CALD1: variants seen among roughly 807,000 people sequenced by gnomAD.
The protein encoded by CALD1 is caldesmon.
In CALD1, 33 loss-of-function variants were observed where a neutral mutation model predicts 99.9. That is an observed-to-expected ratio of 0.33 (90% CI 0.25 to 0.44). The LOEUF is 0.44. CALD1 is among the 20% of genes least tolerant of loss of function. CALD1 has a pLI of 1.00. For missense variants in CALD1, 861 were observed against 962.1 expected, an observed-to-expected ratio of 0.89 and a Z score of 1.39; for synonymous variants, 310 against 325.0, an observed-to-expected ratio of 0.95 and a Z score of 0.50.
intron 6 of CALD1, among the ~76,000 whole-genome samples, chr7:134,937,332 A>G (rs1423277639): frequency 1.3e-5 from 2 of 152,166 alleles, no homozygotes; most frequent in East Asian, 3.8e-4. Context: ...AGATACTCCC[A>G]GGAATGAGTG....
At chr7:134,811,382 A>G (rs1000214255) in intron 1 of CALD1, among the ~76,000 whole-genome samples, 10 of 152,192 alleles carry the variant, frequency 6.6e-5, no homozygotes, top group Non-Finnish European at 1.3e-4. Context: ...ATACAGGCTA[A>G]TGGTAGTGGA....
intron 3 of CALD1, among the ~76,000 whole-genome samples, chr7:134,873,138 G>A (rs560677364): frequency 6.6e-6 from 1 of 151,818 alleles, no homozygotes; most frequent in Non-Finnish European, 1.5e-5. Flanking sequence ...AGTGAGCCAC[G>A]ATCATGCCAC....
intron 3 of CALD1, among the ~76,000 whole-genome samples, chr7:134,898,020 G>A (rs1303717459): frequency 1.3e-5 from 2 of 152,134 alleles, no homozygotes; most frequent in Non-Finnish European, 2.9e-5. Flanking sequence ...TGCCTCCCAG[G>A]TTCAAGCAAT....
intron 2 of CALD1, among the ~76,000 whole-genome samples, chr7:134,862,267 TGG>T (rs1800595566): frequency 6.6e-6 from 1 of 152,220 alleles, no homozygotes; most frequent in South Asian, 2.1e-4. Flanking sequence ...AGAGAAATAG[TGG>T]ATTAGTCCTA....
At chr7:134,844,236 T>A (rs138010929) in intron 2 of CALD1, 12 of 152,290 alleles carry the variant, frequency 7.9e-5, no homozygotes, top group Middle Eastern at 3.4e-3. Flanking sequence ...CAATGTAATA[T>A]CTTTCACAAA....
At chr7:134,810,399 GT>G (rs930763007) in intron 1 of CALD1, among the ~76,000 whole-genome samples, 4 of 152,132 alleles carry the variant, frequency 2.6e-5, no homozygotes, top group African/African-American at 9.7e-5. Context: ...CCTTTATTTA[GT>G]TATATCATAA....
intron 3 of CALD1, chr7:134,891,496 T>TCCTGCA: frequency 6.8e-7 from 1 of 1,475,344 alleles, no homozygotes; most frequent in Non-Finnish European, 9.0e-7. Flanking sequence ...CACGGGAGCA[T>TCCTGCA]CCTGCACCGT....
chr7:134,791,053 G>GCACTC (rs138079998), intron 1 of CALD1, among the ~76,000 whole-genome samples: 1 of 152,080 alleles, frequency 6.6e-6, no homozygotes, highest in Non-Finnish European at 1.5e-5. Context: ...ACCTTCCCAG[G>GCACTC]TGAGATACTA....
intron 6 of CALD1, 67 bp from the exon 7 acceptor site, chr7:134,941,025 T>C: frequency 7.1e-7 from 1 of 1,406,306 alleles, no homozygotes. Context: ...TCTTACTTGA[T>C]GATACCAACC....
intron 1 of CALD1, among the ~76,000 whole-genome samples, chr7:134,827,840 G>A (rs2075464): frequency 0.42 from 64,278 of 151,986 alleles, 14,585 homozygotes; most frequent in African/African-American, 0.58. Context: ...ACTCAGGACC[G>A]TCTACAGAAT....
At chr7:134,858,938 C>T (rs966761930) in intron 2 of CALD1, among the ~76,000 whole-genome samples, 6 of 152,094 alleles carry the variant, frequency 3.9e-5, no homozygotes, top group African/African-American at 1.5e-4. Context: ...TTCTCTGCAC[C>T]GTCTTATATG....
At chr7:134,721,276 A>T in the CALD1 span, among the ~76,000 whole-genome samples, 1 of 151,480 alleles carries the variant, frequency 6.6e-6, no homozygotes, top group Non-Finnish European at 1.5e-5. Flanking sequence ...TTTTCTGATT[A>T]ACTGCAGTGA....
At chr7:134,769,608 T>C (rs1423699961) in intron 1 of CALD1, among the ~76,000 whole-genome samples, 1 of 152,156 alleles carries the variant, frequency 6.6e-6, no homozygotes, top group Non-Finnish European at 1.5e-5. Flanking sequence ...TCTGTGTCAG[T>C]TGATTTGTAG....
At chr7:134,930,040 GTCT>G (rs1449005608) in intron 4 of CALD1, among the ~76,000 whole-genome samples, 1 of 152,076 alleles carries the variant, frequency 6.6e-6, no homozygotes, top group Non-Finnish European at 1.5e-5. Context: ...AATTGCAGAT[GTCT>G]TCTTTTTTCT....
intron 3 of CALD1, among the ~76,000 whole-genome samples, chr7:134,919,664 G>C (rs1804468977): frequency 6.6e-6 from 1 of 152,156 alleles, no homozygotes; most frequent in South Asian, 2.1e-4. Flanking sequence ...AATAAATGAA[G>C]TGGGAAATGC....
chr7:134,719,433 A>G, the CALD1 span, among the ~76,000 whole-genome samples: 168 of 152,252 alleles, frequency 1.1e-3, no homozygotes, highest in Non-Finnish European at 1.9e-3. Context: ...ACCTGTAAAA[A>G]GTAGCAGAGC....
the CALD1 span, among the ~76,000 whole-genome samples, chr7:134,712,313 A>G: frequency 6.6e-6 from 1 of 152,138 alleles, no homozygotes; most frequent in Non-Finnish European, 1.5e-5. Flanking sequence ...TTTTTAAAAT[A>G]TTTAGTCTGG....
In CALD1 at chr7:134,812,479, T is replaced by C. The variant is rs1196417786; in HGVS notation, c.-129-31405T>C. On this transcript the variant is annotated intron_variant, in intron 1 of 14. Coordinates refer to ENST00000361675, the MANE Select transcript of CALD1 (RefSeq NM_033138.4). ...TTCTTATAGCTAGAAATCGACAATA[T>C]CGGGAGTGTTTACACAAGGAAGTAG... Among the ~76,000 whole-genome samples the C allele has an allele frequency of 2.6e-5, 4 of 152,036 alleles. No homozygotes were observed. The East Asian group carries it at 7.7e-4, about 29-fold the overall frequency.
At chr7:134,776,290 A>T (rs1240773346), upstream of CALD1, among the ~76,000 whole-genome samples, 1 of 152,174 alleles carries the variant, frequency 6.6e-6, no homozygotes, top group Non-Finnish European at 1.5e-5. Flanking sequence ...CATTATGTTT[A>T]AAAAGATTCT....
Sources: gnomAD v4.1 joint callset for allele counts (sites outside exome capture counted in the v4.1 genomes callset) on GRCh38, gnomAD v4.1.1 for gene constraint, MANE v1.5 for transcripts, NCBI Gene and HGNC (gene_info 2026-07-23, HGNC 2026-07-21) for gene names.